B4GALT1: variants seen among roughly 807,000 people sequenced by gnomAD.
B4GALT1 encodes the protein beta-1,4-galactosyltransferase 1, also known as N-acetyllactosamine synthase.
In B4GALT1, 16 loss-of-function variants were observed where a neutral mutation model predicts 34.9. The ratio of observed to expected loss-of-function variants is 0.46; its 90% CI spans 0.31 to 0.70. B4GALT1 has a LOEUF of 0.70. Among genes scored for constraint, B4GALT1 ranks in the 30% least tolerant of loss-of-function variants. B4GALT1 has a pLI of 0.05. For synonymous variants in B4GALT1, 221 were observed against 218.1 expected (o/e 1.01, Z -0.12); for missense variants, 445 against 530.5 (o/e 0.84, Z 1.58).
intron 1 of B4GALT1, among the ~76,000 whole-genome samples, chr9:33,142,868 G>A (rs1314551874): frequency 6.6e-6 from 1 of 152,254 alleles, no homozygotes; most frequent in East Asian, 1.9e-4. Context: ...AAATAGGCCA[G>A]GTGCGGTGGC....
In B4GALT1 at chr9:33,166,803, TG is replaced by T; in HGVS notation, c.366del (p.Thr123ProfsTer20). The T allele has an allele frequency of 1.3e-6, 2 of 1,538,512 alleles. No homozygotes were observed. Among genetic ancestry groups the T allele is most frequent in the South Asian group, 1.2e-5 (1 of 81,324 alleles). On this transcript the variant is annotated frameshift_variant, in exon 1 of 6. Transcript: ENST00000379731. LOFTEE classifies it high-confidence loss of function. ...GGGCAGGCGGGCAGCGACAGTGCGG[TG>T]GTGTGGGGCACTGGGACCGAGGTCA... The part of the protein sequence containing the change: ...SNLTSVPVPH[T>X]TALSLPACPE...
intron 4 of B4GALT1, among the ~76,000 whole-genome samples, chr9:33,114,602 A>G (rs1418267624): frequency 6.6e-6 from 1 of 152,210 alleles, no homozygotes; most frequent in Non-Finnish European, 1.5e-5. Flanking sequence ...GAAAAGGCAG[A>G]AAAAAACAAA....
At chr9:33,182,438 A>G in the B4GALT1 span, among the ~76,000 whole-genome samples, 46 of 152,340 alleles carry the variant, frequency 3.0e-4, no homozygotes, top group African/African-American at 1.0e-3. Flanking sequence ...ATCTCATTAC[A>G]GCCATTATAT....
Position 33,113,285 on chromosome 9 carries a change from G to T in B4GALT1, c.*169C>A. 1.0e-6 allele frequency: 1 copy of T among 989,988 alleles called. No homozygotes were observed. The highest frequency in any genetic ancestry group is 1.6e-6 in the Non-Finnish European group (1 of 642,618). The allele number at this position is 989,988 out of a possible 1,614,324, so 61.3% of individuals were successfully genotyped here. A position where few individuals can be genotyped will look rare whatever the true frequency, so the allele number is the denominator to read the frequency against. On this transcript the variant is annotated 3_prime_UTR_variant, in exon 6 of 6. Transcript: ENST00000379731. ...ATTCACATGCCGAGCCAAGTTGGGG[G>T]CAAAATATCCCACTCGTCCTGGTCA...
At position 33,111,250 on chromosome 9, in the gene B4GALT1, CAAAAAAAAAAAAAA is replaced by C. The variant is rs751351046; in HGVS notation, c.*2190_*2203del. ...TACTTGACATGAATGAGAAGGTAACCAAAAAAAAAAAAAAAAAAAAAAAAAAAACAACAAGAAAA... is the reference window on the plus strand; with the variant it reads ...TACTTGACATGAATGAGAAGGTAACCAAAAAAAAAAAAAACAACAAGAAAA... On this transcript the variant is annotated 3_prime_UTR_variant, in exon 6 of 6. Coordinates refer to ENST00000379731, the MANE Select transcript of B4GALT1 (RefSeq NM_001497.4). 2 of 48,830 alleles carry C rather than the reference CAAAAAAAAAAAAAA, an allele frequency of 4.1e-5. No homozygotes were observed. The highest frequency in any genetic ancestry group is 1.2e-4 in the African/African-American group (1 of 8,386). The allele number at this position is 48,830 out of a possible 1,614,324, so 3.0% of individuals were successfully genotyped here. A position where few individuals can be genotyped will look rare whatever the true frequency, so the allele number is the denominator to read the frequency against.
chr9:33,163,177 G>C (rs566802542), intron 1 of B4GALT1, among the ~76,000 whole-genome samples: 4 of 152,264 alleles, frequency 2.6e-5, no homozygotes, highest in African/African-American at 9.6e-5. Flanking sequence ...GTGCATATGA[G>C]GGAGGGGGAA....
At chr9:33,175,153 A>G in the B4GALT1 span, among the ~76,000 whole-genome samples, 1 of 148,880 alleles carries the variant, frequency 6.7e-6, no homozygotes, top group Non-Finnish European at 1.5e-5. Context: ...TCTCTATGAA[A>G]AATTTTAAAA....
chr9:33,141,304 G>A lies in B4GALT1; in HGVS notation c.413-5880C>T, dbSNP rs570932478. Among the ~76,000 whole-genome samples the A allele has an allele frequency of 2.0e-5, 3 of 152,164 alleles. No individual in the cohort carries two copies. In the South Asian group the frequency reaches 6.2e-4, roughly 32 times the overall value. On this transcript the variant is annotated intron_variant, in intron 1 of 5. Transcript: ENST00000379731. Reference sequence around the variant, plus strand: ...CAGGTCACCTTGAGGTCAGGGGCTTGAGACCAGCCTGGCCAACATGGTGAA... The same window carrying A: ...CAGGTCACCTTGAGGTCAGGGGCTTAAGACCAGCCTGGCCAACATGGTGAA...
At chr9:33,166,695 G>A in intron 1 of B4GALT1, 63 bp downstream of exon 1, 19 of 1,445,560 alleles carry the variant, frequency 1.3e-5, no homozygotes, top group Non-Finnish European at 1.7e-5. Context: ...ATGTCTGGGG[G>A]ACCCTGTCGG....
At chr9:33,133,099 C>T (rs1009018828) in intron 2 of B4GALT1, among the ~76,000 whole-genome samples, 87 of 152,232 alleles carry the variant, frequency 5.7e-4, no homozygotes, top group African/African-American at 1.5e-3. Flanking sequence ...GACGGGGTTT[C>T]GCCATGTTGG....
At chr9:33,154,562 T>A (rs939765254) in intron 1 of B4GALT1, among the ~76,000 whole-genome samples, 1 of 152,254 alleles carries the variant, frequency 6.6e-6, no homozygotes, top group African/African-American at 2.4e-5. Flanking sequence ...ATGGTTGGCA[T>A]GTAATAAGTG....
the B4GALT1 span, chr9:33,177,381 C>G: frequency 1.4e-4 from 21 of 152,204 alleles, no homozygotes; most frequent in African/African-American, 5.1e-4. Context: ...GGAAGCTCCC[C>G]ACTTCTGGGT....
intron 1 of B4GALT1, among the ~76,000 whole-genome samples, chr9:33,152,288 A>T (rs1427264676): frequency 6.6e-6 from 1 of 151,688 alleles, no homozygotes; most frequent in African/African-American, 2.4e-5. Context: ...TGGGCGACAG[A>T]GCAAGACTCC....
chr9:33,116,236 AT>A, intron 3 of B4GALT1, 123 bp from the exon 4 acceptor site: 1 of 1,204,076 alleles, frequency 8.3e-7, no homozygotes, highest in Non-Finnish European at 1.1e-6. Context: ...TAGAGTTTTT[AT>A]TTATTTTTTT....
At chr9:33,153,730 G>A (rs374509233) in intron 1 of B4GALT1, among the ~76,000 whole-genome samples, 2 of 151,928 alleles carry the variant, frequency 1.3e-5, no homozygotes, top group East Asian at 1.9e-4. Flanking sequence ...TTTCCACAAA[G>A]AAAACATCAG....
At chr9:33,169,788 T>C (rs1376171840), upstream of B4GALT1, among the ~76,000 whole-genome samples, 1 of 152,128 alleles carries the variant, frequency 6.6e-6, no homozygotes, top group Non-Finnish European at 1.5e-5. Context: ...CCCAAAGTGC[T>C]GGGATTACAG....
intron 2 of B4GALT1, among the ~76,000 whole-genome samples, chr9:33,129,188 G>A (rs574679185): frequency 1.3e-5 from 2 of 152,266 alleles, no homozygotes; most frequent in East Asian, 3.9e-4. Context: ...TGGGGGATGG[G>A]GGGAGGTGGG....
At position 33,157,121 on chromosome 9, in the gene B4GALT1, TACAC is replaced by T. The variant is rs199541947; in HGVS notation, c.412+9633_412+9636del. ...ACACACGGTGTCCAGCATAGGGAAC[TACAC>T]ACACACACACACACACACACACACA... is the stretch of plus-strand genomic sequence containing the variant. On this transcript the variant is annotated intron_variant, in intron 1 of 5. Coordinates refer to ENST00000379731, the MANE Select transcript of B4GALT1 (RefSeq NM_001497.4). 1.3e-3 allele frequency among the ~76,000 whole-genome samples: 149 copies of T among 113,248 alleles called. 1 individual carries two copies. Among genetic ancestry groups the T allele is most frequent in the South Asian group, 4.1e-3 (13 of 3,162 alleles). The allele number at this position is 113,248 out of a possible 152,430, so 74.3% of individuals were successfully genotyped here.
At chr9:33,110,306 A>C (rs187986561), downstream of B4GALT1, among the ~76,000 whole-genome samples, 1 of 152,358 alleles carries the variant, frequency 6.6e-6, no homozygotes, top group African/African-American at 2.4e-5. Flanking sequence ...TCTACATCTG[A>C]ATGATCCTGG....
Sources: gnomAD v4.1 joint callset for allele counts (sites outside exome capture counted in the v4.1 genomes callset) on GRCh38, gnomAD v4.1.1 for gene constraint, MANE v1.5 for transcripts, NCBI Gene and HGNC (gene_info 2026-07-23, HGNC 2026-07-21) for gene names.